Variants in NALCN observed in about 807,000 individuals in gnomAD.
NALCN encodes sodium leak channel NALCN.
NALCN carries 111 observed loss-of-function variants against 225.3 expected under a neutral mutation model. That is an observed-to-expected ratio of 0.49 (90% CI 0.42 to 0.58). The LOEUF is 0.58. NALCN is among the 20% of genes least tolerant of loss of function. The pLI, the probability that NALCN is intolerant of heterozygous loss-of-function variation, is 0.00. For synonymous variants in NALCN, 764 were observed against 769.0 expected, an observed-to-expected ratio of 0.99 and a Z score of 0.11; for missense variants, 1,378 against 2,202.4, an observed-to-expected ratio of 0.63 and a Z score of 7.49.
At chr13:101,235,272 A>G (rs1268936900) in intron 12 of NALCN, among the ~76,000 whole-genome samples, 1 of 152,122 alleles carries the variant, frequency 6.6e-6, no homozygotes, top group African/African-American at 2.4e-5. Context: ...TCTATAATAA[A>G]TATTTTGCAC....
At chr13:101,137,400 G>A (rs1235939536) in intron 17 of NALCN, among the ~76,000 whole-genome samples, 1 of 151,838 alleles carries the variant, frequency 6.6e-6, no homozygotes. Context: ...TCTCTTTTAA[G>A]GTGAACAAAC....
At chr13:101,144,449 G>A (rs2037245082) in intron 16 of NALCN, among the ~76,000 whole-genome samples, 1 of 152,172 alleles carries the variant, frequency 6.6e-6, no homozygotes, top group African/African-American at 2.4e-5. Flanking sequence ...CTGCAACACT[G>A]AGCAGCTTCT....
chr13:101,369,423 C>T (rs901276215), intron 6 of NALCN, among the ~76,000 whole-genome samples: 2 of 152,042 alleles, frequency 1.3e-5, no homozygotes, highest in South Asian at 2.1e-4. Context: ...CCAAATACAG[C>T]GTGGAACTAG....
At chr13:101,061,151 T>G (rs1794377660) in intron 41 of NALCN, among the ~76,000 whole-genome samples, 1 of 152,226 alleles carries the variant, frequency 6.6e-6, no homozygotes, top group Non-Finnish European at 1.5e-5. Context: ...TATATGTCAA[T>G]GCAGTATACA....
At chr13:101,338,359 A>C (rs1414150731) in intron 7 of NALCN, among the ~76,000 whole-genome samples, 3 of 152,108 alleles carry the variant, frequency 2.0e-5, no homozygotes, top group Non-Finnish European at 4.4e-5. Flanking sequence ...GGCTTTTGTC[A>C]TTTATTCTGA....
At chr13:101,090,464 C>T (rs2034174232) in intron 28 of NALCN, among the ~76,000 whole-genome samples, 1 of 152,176 alleles carries the variant, frequency 6.6e-6, no homozygotes, top group Admixed American at 6.5e-5. Flanking sequence ...AGAATTTAGT[C>T]ACTTTATTTC....
At chr13:101,230,213 T>C (rs9518345) in intron 12 of NALCN, among the ~76,000 whole-genome samples, 58,123 of 152,040 alleles carry the variant, frequency 0.38, 12,184 homozygotes, top group East Asian at 0.59. Flanking sequence ...GCCAAAACAC[T>C]TCTGTTCCCA....
At chr13:101,207,794 A>T (rs2040370400) in intron 13 of NALCN, among the ~76,000 whole-genome samples, 1 of 152,246 alleles carries the variant, frequency 6.6e-6, no homozygotes, top group African/African-American at 2.4e-5. Flanking sequence ...AGCCAGCAGC[A>T]GCAACCTGCT....
At chr13:101,332,098 T>C (rs1461690296) in intron 7 of NALCN, among the ~76,000 whole-genome samples, 1 of 152,044 alleles carries the variant, frequency 6.6e-6, no homozygotes, top group Non-Finnish European at 1.5e-5. Flanking sequence ...AAGCACGATT[T>C]AAAGACATGG....
chr13:101,357,195 G>A (rs768593751), intron 6 of NALCN, among the ~76,000 whole-genome samples: 4 of 152,116 alleles, frequency 2.6e-5, no homozygotes, highest in Non-Finnish European at 4.4e-5. Context: ...AGAGCAATCA[G>A]TCAAGAGAAA....
At chr13:101,293,698 C>G (rs1332203710) in intron 7 of NALCN, among the ~76,000 whole-genome samples, 1 of 152,022 alleles carries the variant, frequency 6.6e-6, no homozygotes, top group African/African-American at 2.4e-5. Context: ...CAGCAAACAC[C>G]AAGGCATGCA....
intron 14 of NALCN, among the ~76,000 whole-genome samples, chr13:101,185,600 C>A (rs996643130): frequency 6.6e-6 from 1 of 152,144 alleles, no homozygotes; most frequent in Non-Finnish European, 1.5e-5. Flanking sequence ...AGAATACATA[C>A]CTGGCGGAAG....
Position 101,249,082 on chromosome 13 carries a change from G to A in NALCN, c.1266+9361C>T, listed in dbSNP as rs889629380. 2.6e-5 allele frequency among the ~76,000 whole-genome samples: 4 copies of A among 152,090 alleles called. No homozygotes were observed. In the South Asian group the frequency reaches 6.2e-4, roughly 24 times the overall value. ...TCTAAAATCCAGGTAGTTAGCATCA[G>A]AAGTCATTTACTTCTATAAAAAAGA... is the stretch of plus-strand genomic sequence containing the variant. On this transcript the variant is annotated intron_variant, in intron 11 of 43. Transcript: ENST00000251127.
At chr13:101,223,339 T>C (rs568164037) in intron 13 of NALCN, among the ~76,000 whole-genome samples, 5 of 152,200 alleles carry the variant, frequency 3.3e-5, no homozygotes, top group African/African-American at 1.2e-4. Flanking sequence ...CAGGACAGGA[T>C]TGGCAAATTG....
chr13:101,255,009 C>T (rs1451138513), intron 11 of NALCN, among the ~76,000 whole-genome samples: 3 of 152,024 alleles, frequency 2.0e-5, no homozygotes, highest in Non-Finnish European at 4.4e-5. Context: ...CCATCAATGC[C>T]ATTGACATAT....
intron 39 of NALCN, among the ~76,000 whole-genome samples, chr13:101,066,691 C>T (rs563065147): frequency 6.6e-6 from 1 of 152,228 alleles, no homozygotes; most frequent in East Asian, 1.9e-4. Context: ...AGGGCTCTCA[C>T]TACCTTGAAA....
chr13:101,312,193 G>A (rs1014077384), intron 7 of NALCN, among the ~76,000 whole-genome samples: 7 of 152,128 alleles, frequency 4.6e-5, no homozygotes, highest in African/African-American at 1.7e-4. Flanking sequence ...ATTTCTGTGG[G>A]ATCGGTGGTG....
Position 101,361,432 on chromosome 13 carries a change from C to G in NALCN, c.644+15268G>C, listed in dbSNP as rs568542380. Among the ~76,000 whole-genome samples, 5 of 152,312 alleles carry G rather than the reference C, an allele frequency of 3.3e-5. No homozygotes were observed. The East Asian group carries it at 9.6e-4, about 29-fold the overall frequency. On this transcript the variant is annotated intron_variant, in intron 6 of 43. Transcript: ENST00000251127. ...ATTAACCACTTACTCATGCGTCCCA[C>G]TGAGAACTTGTCTTTTAAGAATAGG...
intron 15 of NALCN, among the ~76,000 whole-genome samples, chr13:101,171,383 ATACATATATGTTACATATAT>A (rs944255344): frequency 3.3e-5 from 5 of 150,362 alleles, no homozygotes; most frequent in Non-Finnish European, 5.9e-5. Context: ...TGTATGACAT[ATACATATATGTTACATATAT>A]TACATATATG....
Sources: gnomAD v4.1 joint callset for allele counts (sites outside exome capture counted in the v4.1 genomes callset) on GRCh38, gnomAD v4.1.1 for gene constraint, MANE v1.5 for transcripts, NCBI Gene and HGNC (gene_info 2026-07-23, HGNC 2026-07-21) for gene names.